The following NBAS variants were observed in gnomAD, a reference collection of about 807,000 sequenced individuals.
NBAS encodes NAG/BC035112 fusion.
A neutral mutation model predicts 302.5 loss-of-function variants in NBAS; 219 were observed. That is an observed-to-expected ratio of 0.72 (90% CI 0.65 to 0.81). NBAS has a LOEUF of 0.81. NBAS is among the 30% of genes least tolerant of loss of function. NBAS has a pLI of 0.00. For missense variants in NBAS, 2,932 were observed against 2,841.6 expected, an observed-to-expected ratio of 1.03 and a Z score of -0.72; for synonymous variants, 1,118 against 1,021.6, an observed-to-expected ratio of 1.09 and a Z score of -1.80.
At chr2:14,786,392 C>T in the NBAS span, among the ~76,000 whole-genome samples, 662 of 151,698 alleles carry the variant, frequency 4.4e-3, 8 homozygotes, top group African/African-American at 0.015. Context: ...CTTGCTTTTC[C>T]AGTTCTTTTA....
the NBAS span, among the ~76,000 whole-genome samples, chr2:14,875,627 A>G: frequency 6.6e-6 from 1 of 152,206 alleles, no homozygotes; most frequent in African/African-American, 2.4e-5. Flanking sequence ...AAAAAATAAA[A>G]AATAGTAAAT....
chr2:15,295,175 G>A (rs1265943986), intron 40 of NBAS, among the ~76,000 whole-genome samples: 1 of 152,084 alleles, frequency 6.6e-6, no homozygotes, highest in Non-Finnish European at 1.5e-5. Flanking sequence ...TATTCTTTTT[G>A]TATTCTAATA....
At chr2:15,451,986 G>A (rs1679037570) in intron 21 of NBAS, among the ~76,000 whole-genome samples, 1 of 148,800 alleles carries the variant, frequency 6.7e-6, no homozygotes, top group African/African-American at 2.5e-5. Flanking sequence ...CATACCTTGA[G>A]AACATTACGC....
At chr2:15,044,708 G>A in the NBAS span, among the ~76,000 whole-genome samples, 1 of 152,286 alleles carries the variant, frequency 6.6e-6, no homozygotes, top group African/African-American at 2.4e-5. Flanking sequence ...CTCACAGAAT[G>A]GTTGTGAGGG....
the NBAS span, among the ~76,000 whole-genome samples, chr2:15,004,757 C>G: frequency 2.6e-3 from 395 of 151,624 alleles, 3 homozygotes; most frequent in African/African-American, 7.5e-3. Flanking sequence ...GATCCACCCC[C>G]CCTTGGCTTC....
the NBAS span, among the ~76,000 whole-genome samples, chr2:14,922,881 G>A: frequency 2.4e-4 from 37 of 152,308 alleles, no homozygotes; most frequent in African/African-American, 5.8e-4. Context: ...GGCCGGGTGC[G>A]GTGGCTCACA....
intron 44 of NBAS, among the ~76,000 whole-genome samples, 197 bp from the exon 45 acceptor site, chr2:15,238,883 T>C (rs2147946540): frequency 6.6e-6 from 1 of 152,240 alleles, no homozygotes; most frequent in East Asian, 1.9e-4. Flanking sequence ...AACTAGTAAT[T>C]AAGATTTTTA....
At position 15,394,414 on chromosome 2, in the gene NBAS, G is replaced by A; in HGVS notation, c.3135-65C>T. The A allele has an allele frequency of 1.9e-6, 3 of 1,555,644 alleles. No homozygotes were observed. In the Admixed American group the frequency reaches 5.0e-5, roughly 26 times the overall value. ...AACAAAAAGAGTCTAAGAATCTTAGGCATAGAGGTAGCCCTTCAGTGTTTA... is the reference window on the plus strand; with the variant it reads ...AACAAAAAGAGTCTAAGAATCTTAGACATAGAGGTAGCCCTTCAGTGTTTA... On this transcript the variant is annotated intron_variant, in intron 27 of 51. Transcript: ENST00000281513.
intron 40 of NBAS, among the ~76,000 whole-genome samples, chr2:15,295,879 C>T (rs554858444): frequency 6.6e-6 from 1 of 151,528 alleles, no homozygotes; most frequent in African/African-American, 2.4e-5. Context: ...TATTTCCTCA[C>T]TTATAAAAGA....
intron 44 of NBAS, among the ~76,000 whole-genome samples, chr2:15,260,186 A>T (rs1405153147): frequency 1.3e-5 from 2 of 152,214 alleles, no homozygotes; most frequent in East Asian, 3.8e-4. Flanking sequence ...AAATTTTTAG[A>T]TATCAAGTGT....
the NBAS span, among the ~76,000 whole-genome samples, chr2:14,854,565 G>A: frequency 6.6e-6 from 1 of 151,796 alleles, no homozygotes; most frequent in Non-Finnish European, 1.5e-5. Context: ...TCCAGAAATT[G>A]CAGACCCCGC....
chr2:15,101,890 C>G, the NBAS span, among the ~76,000 whole-genome samples: 1 of 152,242 alleles, frequency 6.6e-6, no homozygotes, highest in African/African-American at 2.4e-5. Context: ...CATTTCCCCA[C>G]TTTCTGAAGA....
chr2:15,117,601 C>A, the NBAS span, among the ~76,000 whole-genome samples: 1 of 152,238 alleles, frequency 6.6e-6, no homozygotes, highest in Non-Finnish European at 1.5e-5. Context: ...TCCCTAGCTG[C>A]AGACCTTCTC....
chr2:15,167,149 G>A lies in NBAS; in HGVS notation c.7015C>T (p.His2339Tyr), dbSNP rs1312845496. 2 of 1,614,242 alleles carry A rather than the reference G, an allele frequency of 1.2e-6. No individual in the cohort carries two copies. Among genetic ancestry groups the A allele is most frequent in the Non-Finnish European group, 1.7e-6 (2 of 1,180,040 alleles). The change falls in exon 52 of 52, where the codon CAT becomes TAT. Residue 2339 changes from histidine (H) to tyrosine (Y), a missense_variant. By Grantham distance (83) the His-to-Tyr change is moderately conservative. Coordinates refer to ENST00000281513, the MANE Select transcript of NBAS (RefSeq NM_015909.4). ...AGGAGAGACCCGGCTTCGGCTTCAT[G>A]GCCGGCCTCCCGCAGGTGTCTGCCC... ...ELGRHLREAG[H>Y]EAEAGSLLLA...
the NBAS span, among the ~76,000 whole-genome samples, chr2:14,825,435 G>C: frequency 1.3e-5 from 2 of 152,182 alleles, no homozygotes; most frequent in South Asian, 4.1e-4. Flanking sequence ...TCTCTAGACA[G>C]AAAATTTCAC....
the NBAS span, among the ~76,000 whole-genome samples, chr2:14,984,683 C>T: frequency 1.9e-3 from 292 of 152,306 alleles, 2 homozygotes; most frequent in Non-Finnish European, 2.8e-3. Flanking sequence ...CCCCATCCCA[C>T]CCCTTTCTCC....
At chr2:15,259,894 C>T (rs964388130) in intron 44 of NBAS, among the ~76,000 whole-genome samples, 5 of 152,170 alleles carry the variant, frequency 3.3e-5, no homozygotes, top group Admixed American at 3.3e-4. Flanking sequence ...GCTCTCTTCC[C>T]TCTGCAGTAG....
At chr2:14,863,121 A>G in the NBAS span, among the ~76,000 whole-genome samples, 1 of 152,242 alleles carries the variant, frequency 6.6e-6, no homozygotes, top group East Asian at 1.9e-4. Flanking sequence ...AATATGGCAC[A>G]TCTGCTCTGC....
chr2:15,539,857 T>C (rs538780315), intron 6 of NBAS, among the ~76,000 whole-genome samples: 71 of 150,934 alleles, frequency 4.7e-4, no homozygotes, highest in South Asian at 1.5e-3. Context: ...TATATATATA[T>C]ACACACACAC....
Sources: allele counts gnomAD v4.1 joint callset (sites outside exome capture counted in the v4.1 genomes callset), GRCh38; gene constraint gnomAD v4.1.1; transcripts MANE v1.5; gene names NCBI Gene and HGNC (gene_info 2026-07-23, HGNC 2026-07-21).